The following LINGO2 variants were observed in gnomAD, a reference collection of about 807,000 sequenced individuals.
The protein encoded by LINGO2 is leucine rich repeat and Ig domain containing 2.
Under a neutral mutation model 30.6 loss-of-function variants are expected in LINGO2, and 14 were observed. That is an observed-to-expected ratio of 0.46 (90% CI 0.30 to 0.72). The LOEUF is 0.72. Among genes scored for constraint, LINGO2 ranks in the 30% least tolerant of loss-of-function variants. LINGO2 has a pLI of 0.07. For missense variants in LINGO2, 729 were observed against 751.7 expected, an observed-to-expected ratio of 0.97 and a Z score of 0.35; for synonymous variants, 317 against 288.5, an observed-to-expected ratio of 1.10 and a Z score of -1.00.
chr9:28,769,496 A>T, the LINGO2 span, among the ~76,000 whole-genome samples: 12 of 21,666 alleles, frequency 5.5e-4, no homozygotes, highest in Non-Finnish European at 6.3e-4. Flanking sequence ...ATATATATAT[A>T]TATATATATA....
At chr9:28,796,715 C>T in the LINGO2 span, among the ~76,000 whole-genome samples, 1 of 151,844 alleles carries the variant, frequency 6.6e-6, no homozygotes, top group Admixed American at 6.6e-5. Context: ...TTAAAGATTT[C>T]CAAATTTTAA....
At chr9:28,537,615 G>T (rs1315190119) in intron 1 of LINGO2, among the ~76,000 whole-genome samples, 1 of 151,764 alleles carries the variant, frequency 6.6e-6, no homozygotes, top group Non-Finnish European at 1.5e-5. Context: ...AGCTGAAGAA[G>T]AATTTAGTAA....
At position 28,450,283 on chromosome 9, in the gene LINGO2, C is replaced by T. The variant is rs567540673; in HGVS notation, c.-279+25657G>A. The stretch of plus-strand genomic sequence containing the variant: ...ATCAAACAGATAGGGTATTGGGTCC[C>T]GTCAATCTGCCTACTCACAAACTTC... On this transcript the variant is annotated intron_variant, in intron 2 of 5. Coordinates refer to ENST00000379992, the Ensembl canonical transcript of LINGO2. Among the ~76,000 whole-genome samples the T allele has an allele frequency of 7.2e-5, 11 of 152,100 alleles. No individual in the cohort carries two copies. The South Asian group carries it at 1.0e-3, about 14-fold the overall frequency.
chr9:28,413,117 A>G (rs910297687), intron 2 of LINGO2, among the ~76,000 whole-genome samples: 2 of 152,070 alleles, frequency 1.3e-5, no homozygotes, highest in Non-Finnish European at 2.9e-5. Context: ...GTGTTAATCT[A>G]CTGTTTATGT....
At position 28,450,299 on chromosome 9, in the gene LINGO2, C is replaced by T. The variant is rs534657603; in HGVS notation, c.-279+25641G>A. 9.9e-5 allele frequency among the ~76,000 whole-genome samples: 15 copies of T among 152,160 alleles called. No individual in the cohort carries two copies. The East Asian group carries it at 2.9e-3, about 29-fold the overall frequency. Reference sequence around the variant, plus strand: ...ATTGGGTCCCGTCAATCTGCCTACTCACAAACTTCCTAGATGAATCCTCTG... The same window carrying T: ...ATTGGGTCCCGTCAATCTGCCTACTTACAAACTTCCTAGATGAATCCTCTG... On this transcript the variant is annotated intron_variant, in intron 2 of 5. Coordinates refer to ENST00000379992, the Ensembl canonical transcript of LINGO2.
chr9:28,717,362 T>C, the LINGO2 span, among the ~76,000 whole-genome samples: 1 of 143,642 alleles, frequency 7.0e-6, no homozygotes, highest in Non-Finnish European at 1.5e-5. Flanking sequence ...AAAAAAAAGA[T>C]GAAGGGGGGA....
intron 4 of LINGO2, among the ~76,000 whole-genome samples, chr9:28,018,480 C>T (rs1454847998): frequency 1.3e-5 from 2 of 151,732 alleles, no homozygotes; most frequent in African/African-American, 4.9e-5. Flanking sequence ...TATCTAGACT[C>T]TAAGAAACTT....
At chr9:28,464,111 G>T (rs937246023) in intron 2 of LINGO2, among the ~76,000 whole-genome samples, 1 of 152,084 alleles carries the variant, frequency 6.6e-6, no homozygotes, top group Non-Finnish European at 1.5e-5. Context: ...CACAATTCTT[G>T]TAGTCTATGG....
At chr9:29,032,372 C>T in the LINGO2 span, among the ~76,000 whole-genome samples, 1 of 152,000 alleles carries the variant, frequency 6.6e-6, no homozygotes, top group Non-Finnish European at 1.5e-5. Context: ...TGCAAAATGA[C>T]AATACATACA....
chr9:29,161,193 G>A, the LINGO2 span, among the ~76,000 whole-genome samples: 2 of 152,146 alleles, frequency 1.3e-5, no homozygotes, highest in African/African-American at 4.8e-5. Context: ...GCTGCCGAGA[G>A]GAGGCGCAGA....
At chr9:28,825,706 C>G in the LINGO2 span, among the ~76,000 whole-genome samples, 1 of 152,036 alleles carries the variant, frequency 6.6e-6, no homozygotes, top group Non-Finnish European at 1.5e-5. Flanking sequence ...TACACTTTCC[C>G]CTATCTACTT....
At position 28,135,948 on chromosome 9, in the gene LINGO2, A is replaced by G. The variant is rs558126886; in HGVS notation, c.-86-123543T>C. 9.2e-5 allele frequency among the ~76,000 whole-genome samples: 14 copies of G among 152,220 alleles called. No individual in the cohort carries two copies. The South Asian group carries it at 2.9e-3, about 32-fold the overall frequency. Reference sequence around the variant, plus strand: ...CCCTTCACTGCAATGTAATCTCCCTATGAACAGAGGTCTGTATAGTCCAGC... The same window carrying G: ...CCCTTCACTGCAATGTAATCTCCCTGTGAACAGAGGTCTGTATAGTCCAGC... On this transcript the variant is annotated intron_variant, in intron 4 of 5. Transcript: ENST00000379992.
the LINGO2 span, among the ~76,000 whole-genome samples, chr9:28,879,956 TAATA>T: frequency 6.6e-6 from 1 of 152,212 alleles, no homozygotes; most frequent in Non-Finnish European, 1.5e-5. Flanking sequence ...CTAGTCTTCC[TAATA>T]CTTATTTACT....
intron 5 of LINGO2, among the ~76,000 whole-genome samples, chr9:27,981,571 A>AAAAAAAAAAAAAG (rs1820876000): frequency 4.0e-5 from 3 of 74,234 alleles, no homozygotes; most frequent in African/African-American, 7.3e-5. Context: ...AAAAAAAAAG[A>AAAAAAAAAAAAAG]AAAAAAAAAG....
chr9:28,602,260 T>G (rs1206891294), intron 1 of LINGO2, among the ~76,000 whole-genome samples: 1 of 151,828 alleles, frequency 6.6e-6, no homozygotes, highest in Non-Finnish European at 1.5e-5. Context: ...CATGGGGAGG[T>G]TGGTGCAGGG....
chr9:29,060,289 A>G, the LINGO2 span, among the ~76,000 whole-genome samples: 1 of 152,026 alleles, frequency 6.6e-6, no homozygotes, highest in Non-Finnish European at 1.5e-5. Context: ...GAAAAAAGCT[A>G]AAAAATAACA....
At chr9:28,795,439 A>G in the LINGO2 span, among the ~76,000 whole-genome samples, 2 of 152,148 alleles carry the variant, frequency 1.3e-5, no homozygotes, top group Non-Finnish European at 2.9e-5. Flanking sequence ...CATGACAAAA[A>G]TAATAATTAT....
the LINGO2 span, among the ~76,000 whole-genome samples, chr9:28,676,479 A>G: frequency 6.6e-6 from 1 of 152,152 alleles, no homozygotes; most frequent in East Asian, 1.9e-4. Flanking sequence ...AGAATCTTAC[A>G]TTTTTACTAC....
the LINGO2 span, among the ~76,000 whole-genome samples, chr9:29,145,033 T>C: frequency 6.6e-6 from 1 of 152,320 alleles, no homozygotes; most frequent in Middle Eastern, 3.4e-3. Flanking sequence ...TTGGATATTT[T>C]CTTTGAGGTT....
Sources: allele counts gnomAD v4.1 joint callset (sites outside exome capture counted in the v4.1 genomes callset), GRCh38; gene constraint gnomAD v4.1.1; transcripts MANE v1.5; gene names NCBI Gene and HGNC (gene_info 2026-07-23, HGNC 2026-07-21).